The following CDH4 variants were observed in gnomAD, a reference collection of about 807,000 sequenced individuals.
The protein encoded by CDH4 is cadherin-4.
CDH4 carries 33 observed loss-of-function variants against 86.0 expected under a neutral mutation model. The observed-to-expected ratio is 0.38, with a 90% CI of 0.29 to 0.51. The LOEUF (loss-of-function observed/expected upper bound fraction) is 0.51. Among genes scored for constraint, CDH4 ranks in the 20% least tolerant of loss-of-function variants. The probability of loss-of-function intolerance (pLI) is 0.86; values close to 1 mark genes in which losing one functional copy is unlikely to be tolerated. For missense variants in CDH4, 1,114 were observed against 1,307.4 expected, an observed-to-expected ratio of 0.85 and a Z score of 2.28; for synonymous variants, 555 against 549.4, an observed-to-expected ratio of 1.01 and a Z score of -0.14.
chr20:61,614,106 C>G (rs1399128274), intron 2 of CDH4, among the ~76,000 whole-genome samples: 1 of 152,024 alleles, frequency 6.6e-6, no homozygotes, highest in Non-Finnish European at 1.5e-5. Context: ...GCTCCCAGAG[C>G]CTGGGATTTA....
intron 2 of CDH4, among the ~76,000 whole-genome samples, chr20:61,347,682 A>G (rs909071492): frequency 6.6e-6 from 1 of 152,188 alleles, no homozygotes. Flanking sequence ...GGAGATGTAT[A>G]TGCTTATCAG....
chr20:61,385,638 C>T (rs10211806), intron 2 of CDH4, among the ~76,000 whole-genome samples: 5,898 of 152,180 alleles, frequency 0.039, 138 homozygotes, highest in Middle Eastern at 0.058. Context: ...GCTCTCCTGC[C>T]TCCTCTCCCG....
chr20:61,656,337 G>C (rs2087189817), intron 2 of CDH4, among the ~76,000 whole-genome samples: 1 of 146,728 alleles, frequency 6.8e-6, no homozygotes, highest in Non-Finnish European at 1.5e-5. Flanking sequence ...GCGTGCTGGG[G>C]TGGGTAGGCG....
intron 2 of CDH4, among the ~76,000 whole-genome samples, chr20:61,419,788 G>A (rs1177110715): frequency 6.6e-6 from 1 of 152,140 alleles, no homozygotes; most frequent in African/African-American, 2.4e-5. Context: ...CTTCCACCCC[G>A]GAGAGGCCAT....
At chr20:61,591,147 A>G (rs947472760) in intron 2 of CDH4, among the ~76,000 whole-genome samples, 3 of 152,178 alleles carry the variant, frequency 2.0e-5, no homozygotes, top group African/African-American at 7.2e-5. Flanking sequence ...GCACCCATTG[A>G]TAAGTACAAG....
intron 2 of CDH4, among the ~76,000 whole-genome samples, chr20:61,381,937 A>G (rs8123937): frequency 0.24 from 36,468 of 150,570 alleles, 4,801 homozygotes; most frequent in African/African-American, 0.34. Context: ...TTAGCCAGGC[A>G]TGGTGGCAGG....
At chr20:61,260,973 G>T (rs1242453326) in intron 2 of CDH4, among the ~76,000 whole-genome samples, 1 of 152,246 alleles carries the variant, frequency 6.6e-6, no homozygotes. Flanking sequence ...CCCACTCTGA[G>T]AGAGGGTCCT....
chr20:61,612,912 A>G (rs937910355), intron 2 of CDH4, among the ~76,000 whole-genome samples: 2 of 152,126 alleles, frequency 1.3e-5, no homozygotes, highest in Admixed American at 1.3e-4. Flanking sequence ...TGTCTACTAC[A>G]GGGAACTCAG....
At chr20:61,327,255 T>C (rs1265342608) in intron 2 of CDH4, among the ~76,000 whole-genome samples, 3 of 152,214 alleles carry the variant, frequency 2.0e-5, no homozygotes, top group African/African-American at 7.2e-5. Context: ...AAACACACAA[T>C]TTCATTTTTA....
intron 2 of CDH4, among the ~76,000 whole-genome samples, chr20:61,633,504 A>G (rs929815396): frequency 5.9e-5 from 9 of 152,064 alleles, no homozygotes; most frequent in Non-Finnish European, 1.3e-4. Context: ...GCATCTGTCT[A>G]TCCTTCCACC....
At chr20:61,722,766 T>C (rs1163313022) in intron 2 of CDH4, among the ~76,000 whole-genome samples, 3 of 152,170 alleles carry the variant, frequency 2.0e-5, no homozygotes, top group Non-Finnish European at 4.4e-5. Flanking sequence ...ACCCTGAATT[T>C]CCAACAATGC....
In CDH4 at chr20:61,415,734, C is replaced by G. The variant is rs569861563; in HGVS notation, c.169+160797C>G. ...TTTTTTTTTTAGACTGAGTCTTACTCTGTCACCCAGGCCGAAGTGCAGTGG... is the reference window on the plus strand; with the variant it reads ...TTTTTTTTTTAGACTGAGTCTTACTGTGTCACCCAGGCCGAAGTGCAGTGG... On this transcript the variant is annotated intron_variant, in intron 2 of 15. Transcript: ENST00000614565. Among the ~76,000 whole-genome samples the G allele has an allele frequency of 8.5e-5, 13 of 152,208 alleles. 1 individual carries two copies. The South Asian group carries it at 2.7e-3, about 32-fold the overall frequency.
intron 2 of CDH4, among the ~76,000 whole-genome samples, chr20:61,627,602 A>G (rs1165845514): frequency 6.6e-6 from 1 of 152,024 alleles, no homozygotes; most frequent in African/African-American, 2.4e-5. Flanking sequence ...TGTTTTTATA[A>G]ATGGGGAAGC....
intron 2 of CDH4, among the ~76,000 whole-genome samples, chr20:61,555,859 G>T (rs569238933): frequency 6.6e-6 from 1 of 152,322 alleles, no homozygotes; most frequent in South Asian, 2.1e-4. Context: ...CCCGTTTCTG[G>T]CAGGATTCAC....
At chr20:61,585,941 G>C (rs1363688064) in intron 2 of CDH4, among the ~76,000 whole-genome samples, 1 of 149,978 alleles carries the variant, frequency 6.7e-6, no homozygotes, top group African/African-American at 2.5e-5. Context: ...TGGTGATGAG[G>C]TGGTGATGAG....
chr20:61,685,654 C>T (rs542244834), intron 2 of CDH4, among the ~76,000 whole-genome samples: 4 of 152,350 alleles, frequency 2.6e-5, no homozygotes, highest in Non-Finnish European at 5.9e-5. Flanking sequence ...GCTTTGACTA[C>T]GTCACCCACA....
chr20:61,361,995 A>G (rs537611723), intron 2 of CDH4, among the ~76,000 whole-genome samples: 3 of 152,372 alleles, frequency 2.0e-5, no homozygotes, highest in South Asian at 4.1e-4. Flanking sequence ...AGAGGGGACC[A>G]GCAAGTGTCT....
At chr20:61,298,168 G>C (rs1458065889) in intron 2 of CDH4, among the ~76,000 whole-genome samples, 5 of 152,210 alleles carry the variant, frequency 3.3e-5, no homozygotes, top group Non-Finnish European at 2.9e-5. Flanking sequence ...ACCTGGCAGG[G>C]AGCCGGGTTT....
intron 2 of CDH4, among the ~76,000 whole-genome samples, chr20:61,506,882 G>A (rs140082776): frequency 3.9e-5 from 6 of 152,146 alleles, no homozygotes; most frequent in Admixed American, 6.5e-5. Flanking sequence ...ACTGTGGGTC[G>A]GGAGATTTTT....
Sources: allele counts gnomAD v4.1 joint callset (sites outside exome capture counted in the v4.1 genomes callset), GRCh38; gene constraint gnomAD v4.1.1; transcripts MANE v1.5; gene names NCBI Gene and HGNC (gene_info 2026-07-23, HGNC 2026-07-21).